The following YPEL1 variants were observed in gnomAD, a reference collection of about 807,000 sequenced individuals.
YPEL1 encodes the protein yippee like 1.
Under a neutral mutation model 17.3 loss-of-function variants are expected in YPEL1, and 7 were observed. The observed-to-expected ratio is 0.40, with a 90% CI of 0.23 to 0.76. The LOEUF (loss-of-function observed/expected upper bound fraction) is 0.76, where lower values mean the gene tolerates loss of function less well. YPEL1 is among the 30% of genes least tolerant of loss of function. YPEL1 has a pLI of 0.35. For missense variants in YPEL1, 91 were observed against 155.5 expected (o/e 0.59, Z 2.21); for synonymous variants, 59 against 59.6 (o/e 0.99, Z 0.05).
intron 1 of YPEL1, among the ~76,000 whole-genome samples, chr22:21,712,788 A>G (rs544205974): frequency 3.3e-5 from 5 of 151,922 alleles, no homozygotes; most frequent in Middle Eastern, 3.4e-3. Context: ...TATATATTCT[A>G]GTTGTTAGAA....
chr22:21,716,139 C>T (rs1472237925), intron 1 of YPEL1, among the ~76,000 whole-genome samples: 1 of 152,070 alleles, frequency 6.6e-6, no homozygotes, highest in African/African-American at 2.4e-5. Flanking sequence ...AAATTCCTGG[C>T]CTCAAGTGAT....
At chr22:21,714,036 A>ACCCCCCCCCCCCC (rs201751159) in intron 1 of YPEL1, among the ~76,000 whole-genome samples, 2 of 150,608 alleles carry the variant, frequency 1.3e-5, no homozygotes, top group African/African-American at 4.9e-5. Context: ...CCTGAGATGC[A>ACCCCCCCCCCCCC]CCCCCCACCG....
At position 21,700,888 on chromosome 22, in the gene YPEL1, C is replaced by G; in HGVS notation, c.*241G>C. On this transcript the variant is annotated 3_prime_UTR_variant, in exon 5 of 5. Transcript: ENST00000339468. ...AGTCATCAGTTGGTTAATTCTTTCTCTAGAACTTGAGAAGTTAGAAAAAGC... is the reference window on the plus strand; with the variant it reads ...AGTCATCAGTTGGTTAATTCTTTCTGTAGAACTTGAGAAGTTAGAAAAAGC... 2 of 409,672 alleles carry G rather than the reference C, an allele frequency of 4.9e-6. No homozygotes were observed. Among genetic ancestry groups the G allele is most frequent in the Non-Finnish European group, 8.7e-6 (2 of 229,020 alleles). 25.4% of individuals were successfully genotyped at this position (409,672 alleles called of 1,614,324 possible). A position where few individuals can be genotyped will look rare whatever the true frequency, so the allele number is the denominator to read the frequency against.
chr22:21,702,096 C>G (rs1173421554), intron 4 of YPEL1, among the ~76,000 whole-genome samples: 1 of 152,190 alleles, frequency 6.6e-6, no homozygotes, highest in South Asian at 2.1e-4. Flanking sequence ...CTCCCACAGA[C>G]ACATCCTCAT....
chr22:21,716,616 G>A (rs999180098), intron 1 of YPEL1, among the ~76,000 whole-genome samples: 1 of 152,276 alleles, frequency 6.6e-6, no homozygotes, highest in African/African-American at 2.4e-5. Context: ...AGTTTAAATT[G>A]GCTTTAGGCT....
intron 1 of YPEL1, among the ~76,000 whole-genome samples, chr22:21,720,082 G>A (rs923605395): frequency 1.3e-5 from 2 of 149,418 alleles, no homozygotes; most frequent in Non-Finnish European, 3.0e-5. Flanking sequence ...GGAGGCTGAG[G>A]CAGGAGAATC....
At position 21,735,751 on chromosome 22, in the gene YPEL1, C is replaced by T. The variant is rs936967300; in HGVS notation, c.-301G>A. The T allele has an allele frequency of 4.0e-5, 6 of 151,008 alleles. No individual in the cohort carries two copies. The highest frequency in any genetic ancestry group is 5.9e-5 in the Non-Finnish European group (4 of 67,612). The allele number at this position is 151,008 out of a possible 1,614,324, so 9.4% of individuals were successfully genotyped here. A position where few individuals can be genotyped will look rare whatever the true frequency, so the allele number is the denominator to read the frequency against. ...GTTAACGCCTAGGCAGGGCGCGAGG[C>T]ATCCTCCCGCCGCCGCCCCGCGGGC... On this transcript the variant is annotated 5_prime_UTR_variant, in exon 1 of 5. An upstream start codon of the reference 5' UTR is lost. Coordinates refer to ENST00000339468, the MANE Select transcript of YPEL1 (RefSeq NM_013313.5).
intron 1 of YPEL1, among the ~76,000 whole-genome samples, chr22:21,726,801 G>A (rs2068340190): frequency 6.6e-6 from 1 of 152,158 alleles, no homozygotes; most frequent in African/African-American, 2.4e-5. Flanking sequence ...CTGTGAGGCA[G>A]ACAGATGCAG....
intron 1 of YPEL1, among the ~76,000 whole-genome samples, chr22:21,715,465 G>A (rs373784401): frequency 5.9e-5 from 9 of 151,964 alleles, no homozygotes; most frequent in South Asian, 2.1e-4. Context: ...CTGCACTCCA[G>A]CCTGGAGACA....
chr22:21,714,433 A>G (rs943035294), intron 1 of YPEL1, among the ~76,000 whole-genome samples: 1 of 152,130 alleles, frequency 6.6e-6, no homozygotes, highest in African/African-American at 2.4e-5. Flanking sequence ...TGAACTTGAC[A>G]CCGACGATGC....
intron 1 of YPEL1, among the ~76,000 whole-genome samples, chr22:21,722,161 G>A (rs1176273685): frequency 6.6e-6 from 1 of 152,198 alleles, no homozygotes; most frequent in Admixed American, 6.5e-5. Flanking sequence ...GCTCATGCTT[G>A]TAATCCCAGC....
intron 1 of YPEL1, among the ~76,000 whole-genome samples, chr22:21,733,005 A>T (rs892009838): frequency 6.6e-6 from 1 of 152,112 alleles, no homozygotes; most frequent in Non-Finnish European, 1.5e-5. Context: ...AGTCCCAGCT[A>T]CTCAGAAGGC....
At position 21,703,967 on chromosome 22, in the gene YPEL1, C is replaced by T. The variant is rs1291100723; in HGVS notation, c.118-85G>A. 3 of 1,494,040 alleles carry T rather than the reference C, an allele frequency of 2.0e-6. No homozygotes were observed. The highest frequency in any genetic ancestry group is 2.7e-6 in the Non-Finnish European group (3 of 1,094,352). The allele number at this position is 1,494,040 out of a possible 1,614,324, so 92.5% of individuals were successfully genotyped here. On this transcript the variant is annotated intron_variant, in intron 2 of 4. Transcript: ENST00000339468. This position sits in a 1 kb window ranked among gnomAD's most constrained non-coding sequence, Gnocchi z 6.1. ...GCCCAGAACCAGGGGAGTCCAGCCC[C>T]GCGGCTGTTAGCTGCGCCGGGACGC...
intron 1 of YPEL1, among the ~76,000 whole-genome samples, chr22:21,730,478 C>T (rs1249502786): frequency 6.6e-6 from 1 of 152,226 alleles, no homozygotes; most frequent in Non-Finnish European, 1.5e-5. Context: ...CCGCCTTGGC[C>T]TCCCAAAGTG....
chr22:21,722,699 C>T (rs2068295527), intron 1 of YPEL1, among the ~76,000 whole-genome samples: 1 of 152,018 alleles, frequency 6.6e-6, no homozygotes, highest in Non-Finnish European at 1.5e-5. Flanking sequence ...GAATGCCTAA[C>T]TGCAGATCAT....
rs1371713665 is a variant in YPEL1, at chr22:21,698,242, G to GTGT, written c.*2884_*2886dup. On this transcript the variant is annotated 3_prime_UTR_variant, in exon 5 of 5. Coordinates refer to ENST00000339468, the MANE Select transcript of YPEL1 (RefSeq NM_013313.5). Reference sequence around the variant, plus strand: ...GCCCAACAAAAAAAAAGTGATAAAAGTGTTGTTGGTATAAATTACAAAAAA... The same window carrying GTGT: ...GCCCAACAAAAAAAAAGTGATAAAAGTGTTGTTGTTGGTATAAATTACAAAAAA... The GTGT allele has an allele frequency of 7.5e-6, 1 of 133,536 alleles. No homozygotes were observed. The highest frequency in any genetic ancestry group is 1.6e-5 in the Non-Finnish European group (1 of 61,184). 8.3% of individuals were successfully genotyped at this position (133,536 alleles called of 1,614,324 possible).
At chr22:21,714,514 T>C (rs2068202542) in intron 1 of YPEL1, among the ~76,000 whole-genome samples, 1 of 152,154 alleles carries the variant, frequency 6.6e-6, no homozygotes, top group South Asian at 2.1e-4. Context: ...CCCCTTCACC[T>C]GGTGTCCCGT....
At chr22:21,729,879 G>A (rs1480344801) in intron 1 of YPEL1, among the ~76,000 whole-genome samples, 1 of 152,126 alleles carries the variant, frequency 6.6e-6, no homozygotes, top group Non-Finnish European at 1.5e-5. Flanking sequence ...CTAGCACGGT[G>A]GCTCACATCT....
intron 1 of YPEL1, among the ~76,000 whole-genome samples, chr22:21,719,137 C>G (rs1478537156): frequency 6.6e-6 from 1 of 152,146 alleles, no homozygotes; most frequent in African/African-American, 2.4e-5. Flanking sequence ...CTGGGGAGGT[C>G]ATGGGGACAG....
Sources: allele counts gnomAD v4.1 joint callset (sites outside exome capture counted in the v4.1 genomes callset), GRCh38; gene constraint gnomAD v4.1.1; non-coding constraint Gnocchi (gnomAD v3.1); transcripts MANE v1.5; gene names NCBI Gene and HGNC (gene_info 2026-07-23, HGNC 2026-07-21).